Variants in TJP2 observed in about 807,000 individuals in gnomAD.
TJP2 encodes Friedreich ataxia region gene X104 (tight junction protein ZO-2).
A neutral mutation model predicts 133.1 loss-of-function variants in TJP2; 91 were observed. The ratio of observed to expected loss-of-function variants is 0.68; its 90% CI spans 0.58 to 0.81. The LOEUF (loss-of-function observed/expected upper bound fraction) is 0.81, where lower values mean the gene tolerates loss of function less well. TJP2 is among the 40% of genes least tolerant of loss of function. The pLI, the probability that TJP2 is intolerant of heterozygous loss-of-function variation, is 0.00. For synonymous variants in TJP2, 592 were observed against 583.4 expected, an observed-to-expected ratio of 1.01 and a Z score of -0.21; for missense variants, 1,541 against 1,565.6, an observed-to-expected ratio of 0.98 and a Z score of 0.26.
rs553416102 is a variant in TJP2 at position 69,238,359 on chromosome 9, G to C, written c.2276-351G>C. ...AATTGTCCTAGTTATGTGCTTCATAGCTTTTTTTTAAATTCAGAATACAAC... is the reference window on the plus strand; with the variant it reads ...AATTGTCCTAGTTATGTGCTTCATACCTTTTTTTTAAATTCAGAATACAAC... On this transcript the variant is annotated intron_variant, in intron 15 of 22. Coordinates refer to ENST00000377245, the MANE Select transcript of TJP2 (RefSeq NM_004817.4). Among the ~76,000 whole-genome samples, 3 of 152,184 alleles carry C rather than the reference G, an allele frequency of 2.0e-5. No homozygotes were observed. In the East Asian group the frequency reaches 5.8e-4, roughly 29 times the overall value.
At chr9:69,197,568 T>G (rs1826677543) in intron 1 of TJP2, among the ~76,000 whole-genome samples, 1 of 152,190 alleles carries the variant, frequency 6.6e-6, no homozygotes, top group Admixed American at 6.5e-5. Flanking sequence ...AAAACAGACT[T>G]TCTTACTTGG....
chr9:69,248,642 A>G (rs1831102164), intron 19 of TJP2: 19 of 1,072,820 alleles, frequency 1.8e-5, no homozygotes, highest in East Asian at 6.2e-5. Flanking sequence ...AATCTTGCCA[A>G]AGCTCTTGAG....
intron 17 of TJP2, among the ~76,000 whole-genome samples, chr9:69,242,788 G>C (rs1830661353): frequency 6.6e-6 from 1 of 152,146 alleles, no homozygotes; most frequent in African/African-American, 2.4e-5. Context: ...GTTTTGACTT[G>C]AGGCTGTGTG....
At chr9:69,172,909 C>A (rs1044839994), upstream of TJP2, among the ~76,000 whole-genome samples, 4 of 152,080 alleles carry the variant, frequency 2.6e-5, no homozygotes, top group Non-Finnish European at 4.4e-5. Flanking sequence ...GTGCTTAGAT[C>A]AGGAGAGCAA....
At chr9:69,140,138 T>C (rs1366980884) in intron 1 of TJP2, among the ~76,000 whole-genome samples, 1 of 152,120 alleles carries the variant, frequency 6.6e-6, no homozygotes, top group Non-Finnish European at 1.5e-5. Context: ...GAGGGCAGAA[T>C]AGGAACACCA....
intron 1 of TJP2, among the ~76,000 whole-genome samples, chr9:69,179,238 C>T (rs947191681): frequency 6.6e-6 from 1 of 152,208 alleles, no homozygotes; most frequent in Non-Finnish European, 1.5e-5. Context: ...AAAATCAGCA[C>T]AGATGTTTGT....
At chr9:69,243,962 T>C (rs939641354) in intron 17 of TJP2, among the ~76,000 whole-genome samples, 26 of 152,018 alleles carry the variant, frequency 1.7e-4, no homozygotes, top group Admixed American at 1.6e-3. Flanking sequence ...GGTGGGCAGG[T>C]CACTTGAGCT....
intron 1 of TJP2, among the ~76,000 whole-genome samples, chr9:69,209,194 G>A (rs1003430255): frequency 1.1e-4 from 16 of 151,928 alleles, no homozygotes; most frequent in African/African-American, 2.7e-4. Flanking sequence ...GTGCAGTGGC[G>A]CAATCTCAGC....
In TJP2 at chr9:69,228,067, T is replaced by A; in HGVS notation, c.1406T>A (p.Val469Asp). Residue 469 changes from valine to aspartate, a missense_variant, in exon 9 of 23, where the codon GTT (valine) becomes GAT (aspartate). Coordinates refer to ENST00000377245, the MANE Select transcript of TJP2 (RefSeq NM_004817.4). ...TCCACAGGGGATATTGCAGGCACAG[T>A]TGTCCCAGAGACCAACAAGGAACCC... The part of the protein sequence containing the change: ...FKSTGDIAGT[V>D]VPETNKEPRY... 2.5e-6 allele frequency: 4 copies of A among 1,613,744 alleles called. No individual in the cohort carries two copies. The highest frequency in any genetic ancestry group is 3.4e-6 in the Non-Finnish European group (4 of 1,179,870).
chr9:69,146,245 C>G (rs2133312899), intron 1 of TJP2, among the ~76,000 whole-genome samples: 1 of 152,294 alleles, frequency 6.6e-6, no homozygotes, highest in Admixed American at 6.5e-5. Flanking sequence ...TTGCTTGAAA[C>G]AGCAGTTTTC....
At chr9:69,211,098 G>A (rs1827873076) in intron 1 of TJP2, among the ~76,000 whole-genome samples, 1 of 152,182 alleles carries the variant, frequency 6.6e-6, no homozygotes, top group Admixed American at 6.5e-5. Context: ...CCAGCACTTT[G>A]GGAGGCCGAG....
intron 2 of TJP2, among the ~76,000 whole-genome samples, chr9:69,152,639 A>G (rs1823529543): frequency 6.6e-6 from 1 of 151,906 alleles, no homozygotes; most frequent in Non-Finnish European, 1.5e-5. Context: ...GTAAAAAGGG[A>G]ACGTCGACAT....
chr9:69,198,435 C>T (rs989659305), intron 1 of TJP2, among the ~76,000 whole-genome samples: 9 of 152,216 alleles, frequency 5.9e-5, no homozygotes, highest in African/African-American at 2.2e-4. Context: ...AGCCACCATG[C>T]CCGGCCACCT....
At chr9:69,171,979 TA>T (rs1006691241), upstream of TJP2, among the ~76,000 whole-genome samples, 3 of 152,092 alleles carry the variant, frequency 2.0e-5, no homozygotes, top group African/African-American at 7.2e-5. Context: ...TTATTTTTAG[TA>T]GAGACGGGGT....
chr9:69,183,197 A>G (rs1825635948), intron 1 of TJP2, among the ~76,000 whole-genome samples: 1 of 152,200 alleles, frequency 6.6e-6, no homozygotes, highest in Admixed American at 6.5e-5. Flanking sequence ...CACTCACAGT[A>G]TTTTGTAAAC....
intron 2 of TJP2, among the ~76,000 whole-genome samples, chr9:69,153,398 C>T (rs1823585047): frequency 6.6e-6 from 1 of 152,114 alleles, no homozygotes; most frequent in South Asian, 2.1e-4. Context: ...GCCCGGGCAA[C>T]ATGGCGAAAC....
chr9:69,228,291 G>C (rs1829502477), intron 9 of TJP2, among the ~76,000 whole-genome samples, 177 bp downstream of exon 9: 1 of 152,232 alleles, frequency 6.6e-6, no homozygotes, highest in South Asian at 2.1e-4. Flanking sequence ...TGACTTTTAA[G>C]TGGGAGCTAA....
Position 69,239,841 on chromosome 9 carries a change from A to T in TJP2, c.2356-96A>T, listed in dbSNP as rs1264488399. On this transcript the variant is annotated intron_variant, in intron 16 of 22. Coordinates refer to ENST00000377245, the MANE Select transcript of TJP2 (RefSeq NM_004817.4). ...ATAAGTAAACAAACAAACAAACAAG[A>T]TATATCTCATACAGCCTTTACTTAT... 6 of 1,006,360 alleles carry T rather than the reference A, an allele frequency of 6.0e-6. No homozygotes were observed. The East Asian group carries it at 7.6e-5, about 13-fold the overall frequency. The allele number at this position is 1,006,360 out of a possible 1,614,324, so 62.3% of individuals were successfully genotyped here.
rs768321542 is a variant in TJP2 at position 69,251,168 on chromosome 9, A to G, written c.3125A>G (p.Lys1042Arg). 1 of 1,614,024 alleles carries G rather than the reference A, an allele frequency of 6.2e-7. No individual in the cohort carries two copies. The highest frequency in any genetic ancestry group is 8.5e-7 in the Non-Finnish European group (1 of 1,179,994). ...GGTTATCCTCCTCCTGTTGCAGCAA[A>G]ACCTACCTTTGGGCGGTCTATACTG... The part of the protein sequence containing the change: ...TKGYPPPVAA[K>R]PTFGRSILKP... Residue 1042 changes from lysine to arginine, a missense_variant, in exon 21 of 23, where the codon AAA (lysine) becomes AGA (arginine). Physicochemically the swap from Lys to Arg is conservative, Grantham distance 26. Coordinates refer to ENST00000377245, the MANE Select transcript of TJP2 (RefSeq NM_004817.4).
Sources: allele counts gnomAD v4.1 joint callset (sites outside exome capture counted in the v4.1 genomes callset), GRCh38; gene constraint gnomAD v4.1.1; transcripts MANE v1.5; gene names NCBI Gene and HGNC (gene_info 2026-07-23, HGNC 2026-07-21).